Variants in GNG7 observed in about 807,000 individuals in gnomAD.
GNG7 encodes the protein guanine nucleotide-binding protein G(I)/G(S)/G(O) subunit gamma-7.
GNG7 carries 1 observed loss-of-function variant against 4.0 expected under a neutral mutation model. The observed-to-expected ratio is 0.25, with a 90% CI of 0.09 to 1.18. GNG7 has a LOEUF of 1.18. Ranked by LOEUF, GNG7 falls within the 50% of genes most tolerant of loss-of-function variation. The probability of loss-of-function intolerance (pLI) is 0.50; values close to 1 mark genes in which losing one functional copy is unlikely to be tolerated. For synonymous variants in GNG7, 34 were observed against 36.9 expected, an observed-to-expected ratio of 0.92 and a Z score of 0.29; for missense variants, 86 against 91.9, an observed-to-expected ratio of 0.94 and a Z score of 0.26.
chr19:2,551,676 T>C (rs562777573), intron 3 of GNG7, among the ~76,000 whole-genome samples: 1 of 83,540 alleles, frequency 1.2e-5, no homozygotes, highest in East Asian at 8.5e-4. Flanking sequence ...ATTTAAAAAA[T>C]ATATATATAT....
chr19:2,624,711 C>T (rs1423316961), intron 2 of GNG7, among the ~76,000 whole-genome samples: 1 of 152,178 alleles, frequency 6.6e-6, no homozygotes, highest in African/African-American at 2.4e-5. Context: ...CTAGCAGCTC[C>T]TGACCTGCAG....
At chr19:2,576,475 C>T (rs1036591896) in intron 2 of GNG7, among the ~76,000 whole-genome samples, 1 of 152,328 alleles carries the variant, frequency 6.6e-6, no homozygotes, top group South Asian at 2.1e-4. Flanking sequence ...AGCTGGTGGC[C>T]ACCCTCACAC....
chr19:2,565,550 AG>A (rs1979879952), intron 2 of GNG7, among the ~76,000 whole-genome samples: 1 of 151,906 alleles, frequency 6.6e-6, no homozygotes, highest in Non-Finnish European at 1.5e-5. Context: ...TTTGCGTCAA[AG>A]GAAGGGTCGG....
rs562619531 is a variant in GNG7 at position 2,546,366 on chromosome 19, G to A, written c.-38+8783C>T. ...GCCTGGGAGGGCGGCTGTGTGTGGG[G>A]CCTTCCGTGCCAGCTCTGACCGTTG... On this transcript the variant is annotated intron_variant, in intron 3 of 4. Transcript: ENST00000382159. This position sits in a 1 kb window ranked among gnomAD's most constrained non-coding sequence, Gnocchi z 6.3. Among the ~76,000 whole-genome samples the A allele has an allele frequency of 5.9e-4, 90 of 152,364 alleles. No homozygotes were observed. Among genetic ancestry groups the A allele is most frequent in the African/African-American group, 2.0e-3 (83 of 41,590 alleles).
chr19:2,683,525 A>G lies in GNG7; in HGVS notation c.-135+19121T>C, dbSNP rs1297462218. 2.0e-5 allele frequency: 3 copies of G among 152,390 alleles called. No homozygotes were observed. The East Asian group carries it at 5.8e-4, about 29-fold the overall frequency. 9.4% of individuals were successfully genotyped at this position (152,390 alleles called of 1,614,324 possible). A position where few individuals can be genotyped will look rare whatever the true frequency, so the allele number is the denominator to read the frequency against. ...TCTTCTACAGATAAAGCCAACAAAC[A>G]AAAACGATGCTCAGGCCAAAGAAGA... On this transcript the variant is annotated intron_variant, in intron 1 of 4. Transcript: ENST00000382159.
chr19:2,627,786 C>T (rs561581360), intron 2 of GNG7, among the ~76,000 whole-genome samples: 4 of 152,328 alleles, frequency 2.6e-5, no homozygotes, highest in East Asian at 1.9e-4. Context: ...GTTATGTTCT[C>T]GAGATTTCAC....
intron 3 of GNG7, among the ~76,000 whole-genome samples, chr19:2,522,160 G>A (rs1047505525): frequency 6.6e-6 from 1 of 152,080 alleles, no homozygotes; most frequent in Non-Finnish European, 1.5e-5. Context: ...CACGGATGCT[G>A]CTCAGCACCC....
At chr19:2,516,532 AT>A (rs1568228653) in intron 4 of GNG7, among the ~76,000 whole-genome samples, 1 of 152,074 alleles carries the variant, frequency 6.6e-6, no homozygotes, top group Non-Finnish European at 1.5e-5. Context: ...CCTAAAAAAT[AT>A]TTTTTTAAAA....
At chr19:2,568,198 C>T (rs1393458045) in intron 2 of GNG7, among the ~76,000 whole-genome samples, 1 of 150,436 alleles carries the variant, frequency 6.6e-6, no homozygotes, top group Admixed American at 6.6e-5. Context: ...CATACACACA[C>T]ATATAGACAT....
At chr19:2,639,815 G>A (rs1345759202) in intron 2 of GNG7, among the ~76,000 whole-genome samples, 1 of 8,826 alleles carries the variant, frequency 1.1e-4, no homozygotes, top group Non-Finnish European at 2.6e-4. Flanking sequence ...GGAAGGAGAG[G>A]GTAAGGGAGG....
At chr19:2,687,635 A>C (rs1599462886) in intron 1 of GNG7, among the ~76,000 whole-genome samples, 4 of 151,840 alleles carry the variant, frequency 2.6e-5, no homozygotes, top group East Asian at 3.9e-4. Flanking sequence ...AACAAACAAA[A>C]AAAAGTGCTG....
chr19:2,650,023 C>G (rs11882583), intron 1 of GNG7, among the ~76,000 whole-genome samples: 72,711 of 151,822 alleles, frequency 0.48, 17,401 homozygotes, highest in East Asian at 0.54. Context: ...ATGCTGTGAC[C>G]TGTGTCAAAG....
intron 4 of GNG7, among the ~76,000 whole-genome samples, chr19:2,518,316 C>T (rs1386762848): frequency 6.6e-6 from 1 of 152,146 alleles, no homozygotes; most frequent in Admixed American, 6.6e-5. Context: ...GATGAGTCAC[C>T]GCCCTCCGCC....
intron 2 of GNG7, among the ~76,000 whole-genome samples, chr19:2,612,557 A>C (rs374029581): frequency 6.6e-6 from 1 of 152,122 alleles, no homozygotes; most frequent in Non-Finnish European, 1.5e-5. Context: ...CCCCAGGTCC[A>C]GGGTTCCTGG....
intron 1 of GNG7, among the ~76,000 whole-genome samples, chr19:2,652,945 A>G (rs1344912150): frequency 6.6e-6 from 1 of 151,970 alleles, no homozygotes; most frequent in Non-Finnish European, 1.5e-5. Context: ...TGGGCAACAT[A>G]GCAAGACCCT....
At chr19:2,694,854 G>A (rs1432078369) in intron 1 of GNG7, among the ~76,000 whole-genome samples, 1 of 151,852 alleles carries the variant, frequency 6.6e-6, no homozygotes, top group Non-Finnish European at 1.5e-5. Flanking sequence ...TGGAGTGGGT[G>A]GAGGCCAGGG....
chr19:2,648,872 G>GT (rs573742550), intron 1 of GNG7, among the ~76,000 whole-genome samples: 15,023 of 146,422 alleles, frequency 0.1, 915 homozygotes, highest in South Asian at 0.24. Flanking sequence ...TGAATCATGT[G>GT]TTTTTTTTTT....
intron 3 of GNG7, among the ~76,000 whole-genome samples, chr19:2,526,329 G>A (rs960855791): frequency 6.7e-6 from 1 of 149,618 alleles, no homozygotes; most frequent in South Asian, 2.1e-4. Flanking sequence ...GGTCTCAAAC[G>A]CCTGACCTCA....
At chr19:2,619,636 G>C (rs1275109515) in intron 2 of GNG7, among the ~76,000 whole-genome samples, 16 of 152,170 alleles carry the variant, frequency 1.1e-4, no homozygotes. Flanking sequence ...GGACCTTGAG[G>C]ACATCACACT....
Sources: allele counts gnomAD v4.1 joint callset (sites outside exome capture counted in the v4.1 genomes callset), GRCh38; gene constraint gnomAD v4.1.1; non-coding constraint Gnocchi (gnomAD v3.1); transcripts MANE v1.5; gene names NCBI Gene and HGNC (gene_info 2026-07-23, HGNC 2026-07-21).